COL4A4: variants seen among roughly 807,000 people sequenced by gnomAD.
The protein encoded by COL4A4 is collagen type IV alpha 4 chain.
COL4A4 carries 105 observed loss-of-function variants against 192.9 expected under a neutral mutation model. The observed-to-expected ratio is 0.54, with a 90% confidence interval of 0.46 to 0.64. The LOEUF (loss-of-function observed/expected upper bound fraction) is 0.64. Among genes scored for constraint, COL4A4 ranks in the 30% least tolerant of loss-of-function variants. The pLI is 0.00. For missense variants in COL4A4, 1,967 were observed against 2,169.3 expected, an observed-to-expected ratio of 0.91 and a Z score of 1.85; for synonymous variants, 762 against 769.9, an observed-to-expected ratio of 0.99 and a Z score of 0.17.
the COL4A4 span, among the ~76,000 whole-genome samples, chr2:226,973,665 T>C: frequency 6.6e-6 from 1 of 152,176 alleles, no homozygotes; most frequent in Non-Finnish European, 1.5e-5. Context: ...AGATCAAGAG[T>C]AAACAGATGG....
At chr2:227,127,295 G>A (rs747397440) in intron 4 of COL4A4, among the ~76,000 whole-genome samples, 1 of 152,230 alleles carries the variant, frequency 6.6e-6, no homozygotes, top group African/African-American at 2.4e-5. Context: ...GCCATGTGAA[G>A]CCACTAGATC....
intron 6 of COL4A4, 49 bp from the exon 7 acceptor site, chr2:227,118,810 A>G (rs2061623169): frequency 1.7e-6 from 2 of 1,156,204 alleles, no homozygotes; most frequent in South Asian, 2.4e-5. Flanking sequence ...AAATATCATT[A>G]CATAAAGGTT....
chr2:226,982,036 T>C, the COL4A4 span, among the ~76,000 whole-genome samples: 4 of 152,254 alleles, frequency 2.6e-5, no homozygotes, highest in African/African-American at 7.2e-5. Flanking sequence ...ATCATACTTT[T>C]GATAAGTATA....
chr2:226,995,902 GC>G, the COL4A4 span: 1 of 187,530 alleles, frequency 5.3e-6, no homozygotes, highest in African/African-American at 2.4e-5. Flanking sequence ...TGCCTGGAGT[GC>G]CCCGTGTTTG....
At chr2:227,034,541 CT>C (rs557795215) in intron 37 of COL4A4, among the ~76,000 whole-genome samples, 4,257 of 143,582 alleles carry the variant, frequency 0.03, 144 homozygotes, top group Admixed American at 0.11. Context: ...AGTAGCTGTT[CT>C]TTTTTTTTTT....
chr2:227,102,943 A>C, intron 14 of COL4A4, 95 bp from the exon 15 acceptor site: 1 of 1,202,926 alleles, frequency 8.3e-7, no homozygotes, highest in Non-Finnish European at 1.2e-6. Flanking sequence ...AAACAAAATG[A>C]GAAACAAAAA....
In COL4A4 at chr2:227,004,522, T is replaced by TCCAGA. The variant is rs1206727904; in HGVS notation, c.*2802_*2803insTCTGG. 5.3e-5 allele frequency: 8 copies of TCCAGA among 152,344 alleles called. No homozygotes were observed. Among genetic ancestry groups the TCCAGA allele is most frequent in the Non-Finnish European group, 8.8e-5 (6 of 68,060 alleles). The allele number at this position is 152,344 out of a possible 1,614,324, so 9.4% of individuals were successfully genotyped here. On this transcript the variant is annotated 3_prime_UTR_variant, in exon 48 of 48. Coordinates refer to ENST00000396625, the MANE Select transcript of COL4A4 (RefSeq NM_000092.5). Reference sequence around the variant, plus strand: ...ATCCAGAGGGTGACAAAATCAAGTTTGGGTGGATCTTAGATGGCAACTGGG... The same window carrying TCCAGA: ...ATCCAGAGGGTGACAAAATCAAGTTTCCAGAGGGTGGATCTTAGATGGCAACTGGG...
intron 4 of COL4A4, among the ~76,000 whole-genome samples, chr2:227,125,356 G>C (rs552392863): frequency 6.6e-6 from 1 of 151,916 alleles, no homozygotes; most frequent in African/African-American, 2.4e-5. Context: ...CCACAGGCGC[G>C]CGCCATCACA....
At position 227,109,238 on chromosome 2, in the gene COL4A4, C is replaced by T. The variant is rs1419670867; in HGVS notation, c.643G>A (p.Glu215Lys). ...GPAGPTGYPG[E>K]PGLVGPPGQP... ...GCTGTACTTACCACTAACCCTGGCT[C>T]TCCAGGATATCCTGTGGGACCTGCC... Residue 215 changes from glutamate to lysine, a missense_variant, in exon 10 of 48, where the codon GAG becomes AAG. Transcript: ENST00000396625. The T allele has an allele frequency of 6.8e-6, 11 of 1,613,950 alleles. No individual in the cohort carries two copies. The South Asian group carries it at 1.1e-4, about 16-fold the overall frequency.
intron 44 of COL4A4, among the ~76,000 whole-genome samples, chr2:227,015,618 T>C (rs1218567013): frequency 6.6e-6 from 1 of 152,192 alleles, no homozygotes; most frequent in Non-Finnish European, 1.5e-5. Context: ...AATGTCTTCA[T>C]TTTCTGCTAG....
intron 4 of COL4A4, among the ~76,000 whole-genome samples, chr2:227,129,284 C>A (rs567560859): frequency 6.6e-6 from 1 of 152,226 alleles, no homozygotes; most frequent in African/African-American, 2.4e-5. Context: ...CAATTTCACT[C>A]CCCTCCAAAC....
intron 21 of COL4A4, among the ~76,000 whole-genome samples, chr2:227,089,610 C>CATATATATATATATAT (rs1488061427): frequency 8.9e-6 from 1 of 112,046 alleles, no homozygotes; most frequent in Non-Finnish European, 1.7e-5. Context: ...TATATATATA[C>CATATATATATATATAT]ATACATATAT....
At chr2:226,983,638 T>A in the COL4A4 span, among the ~76,000 whole-genome samples, 2 of 152,186 alleles carry the variant, frequency 1.3e-5, no homozygotes, top group Non-Finnish European at 2.9e-5. Context: ...TCCTTATTCC[T>A]TGAATGCTTG....
At chr2:227,027,766 G>T (rs749463798) in intron 42 of COL4A4, 136 bp downstream of exon 42, 46 of 734,560 alleles carry the variant, frequency 6.3e-5, no homozygotes, top group Non-Finnish European at 9.5e-5. Context: ...CGGCCTGAAA[G>T]AAATATACTC....
At chr2:227,026,834 T>C (rs1966923575) in intron 42 of COL4A4, among the ~76,000 whole-genome samples, 1 of 152,174 alleles carries the variant, frequency 6.6e-6, no homozygotes, top group South Asian at 2.1e-4. Flanking sequence ...GAAAAAAAAT[T>C]AAATAAAACA....
chr2:227,006,247 GCT>G lies in COL4A4; in HGVS notation c.*1076_*1077del, dbSNP rs1293364453. On this transcript the variant is annotated 3_prime_UTR_variant, in exon 48 of 48. Transcript: ENST00000396625. Reference sequence around the variant, plus strand: ...ATTTTCTCCCAAGTGCATAATGATAGCTCTGTCACGTCCCTGTGTGAGCTGCC... The same window carrying G: ...ATTTTCTCCCAAGTGCATAATGATAGCTGTCACGTCCCTGTGTGAGCTGCC... The G allele has an allele frequency of 2.0e-5, 3 of 152,734 alleles. No individual in the cohort carries two copies. Among genetic ancestry groups the G allele is most frequent in the Admixed American group, 2.0e-4 (3 of 15,294 alleles). The allele number at this position is 152,734 out of a possible 1,614,324, so 9.5% of individuals were successfully genotyped here.
rs1431982837 is a variant in COL4A4 at position 227,088,900 on chromosome 2, T to C, written c.1460-84A>G. The stretch of plus-strand genomic sequence containing the variant: ...GCTTTACTGTACAAAACCAATAGCA[T>C]AAATGAAGAACAAAGAGTCCGATAT... On this transcript the variant is annotated intron_variant, in intron 21 of 47. Coordinates refer to ENST00000396625, the MANE Select transcript of COL4A4 (RefSeq NM_000092.5). 3.3e-6 allele frequency: 5 copies of C among 1,498,594 alleles called. No individual in the cohort carries two copies. In the African/African-American group the frequency reaches 4.1e-5, roughly 12 times the overall value. 92.8% of individuals were successfully genotyped at this position (1,498,594 alleles called of 1,614,324 possible).
chr2:227,032,106 G>T, intron 39 of COL4A4, 42 bp downstream of exon 39: 1 of 1,614,106 alleles, frequency 6.2e-7, no homozygotes. Flanking sequence ...GGAAGGTTTT[G>T]GTTTAGTTAT....
intron 1 of COL4A4, among the ~76,000 whole-genome samples, chr2:227,156,482 C>G (rs112352065): frequency 0.05 from 7,167 of 144,574 alleles, 223 homozygotes; most frequent in Admixed American, 0.089. Context: ...AGGAAGATCT[C>G]GGGAAATGGA....
Sources: gnomAD v4.1 joint callset for allele counts (sites outside exome capture counted in the v4.1 genomes callset) on GRCh38, gnomAD v4.1.1 for gene constraint, MANE v1.5 for transcripts, NCBI Gene and HGNC (gene_info 2026-07-23, HGNC 2026-07-21) for gene names.